Variants in C13orf46 observed in about 807,000 individuals in gnomAD.
The protein encoded by C13orf46 is uncharacterized protein C13orf46.
At chr13:113,933,503 T>A in the C13orf46 span, among the ~76,000 whole-genome samples, 2 of 152,370 alleles carry the variant, frequency 1.3e-5, no homozygotes, top group East Asian at 3.9e-4. Context: ...CATTTCTGTA[T>A]AAACCTTAGA....
the C13orf46 span, among the ~76,000 whole-genome samples, chr13:113,939,249 C>A: frequency 1.3e-5 from 2 of 152,334 alleles, no homozygotes; most frequent in South Asian, 4.1e-4. Flanking sequence ...CCCTTCCCCC[C>A]GCCCCGGTGA....
chr13:113,955,222 G>A lies in C13orf46; in HGVS notation c.*1551C>T, dbSNP rs1425598753. 1.3e-4 allele frequency: 26 copies of A among 207,214 alleles called. No homozygotes were observed. The East Asian group carries it at 1.6e-3, about 13-fold the overall frequency. The allele number at this position is 207,214 out of a possible 1,614,324, so 12.8% of individuals were successfully genotyped here. Reference sequence around the variant, plus strand: ...ATCCCGTGGAGACGAGGAGCATCCCGTGGAGACGAGGAGCATCTGGCGGAG... The same window carrying A: ...ATCCCGTGGAGACGAGGAGCATCCCATGGAGACGAGGAGCATCTGGCGGAG... On this transcript the variant is annotated 3_prime_UTR_variant, in exon 7 of 7. Coordinates refer to ENST00000636427, the MANE Select transcript of C13orf46 (RefSeq NM_001365455.2).
chr13:113,962,373 T>C (rs2052594240), intron 6 of C13orf46, among the ~76,000 whole-genome samples: 1 of 152,128 alleles, frequency 6.6e-6, no homozygotes, highest in East Asian at 1.9e-4. Context: ...GCCACTGCAC[T>C]CCAGCCTGGG....
chr13:113,947,817 C>A, the C13orf46 span, among the ~76,000 whole-genome samples: 1 of 152,244 alleles, frequency 6.6e-6, no homozygotes, highest in Non-Finnish European at 1.5e-5. Flanking sequence ...TCCCCCCAGA[C>A]ACTCACTCAG....
chr13:113,953,284 C>T (rs956683785), downstream of C13orf46, among the ~76,000 whole-genome samples: 2 of 152,226 alleles, frequency 1.3e-5, no homozygotes, highest in East Asian at 1.9e-4. Flanking sequence ...ACGGAAATCT[C>T]CCTGAGGTAG....
chr13:113,967,106 T>C (rs1182388970), intron 5 of C13orf46, among the ~76,000 whole-genome samples: 5 of 152,280 alleles, frequency 3.3e-5, no homozygotes, highest in Non-Finnish European at 5.9e-5. Context: ...GAGTCTCTGA[T>C]AGTGCTGAAG....
chr13:113,967,844 A>AC (rs1186075296), intron 4 of C13orf46, among the ~76,000 whole-genome samples: 31 of 149,822 alleles, frequency 2.1e-4, no homozygotes, highest in East Asian at 2.0e-3. Context: ...GGAGCAGGAG[A>AC]CCCCCCCCGG....
chr13:113,959,459 T>C lies in C13orf46; in HGVS notation c.573-2620A>G, dbSNP rs1357120868. On this transcript the variant is annotated intron_variant, in intron 6 of 6. Coordinates refer to ENST00000636427, the MANE Select transcript of C13orf46 (RefSeq NM_001365455.2). The stretch of plus-strand genomic sequence containing the variant: ...TGAGCAGGTGCTTCCCCTTTTAATC[T>C]GACTCCCAGTGGGAAATGAATCATA... Among the ~76,000 whole-genome samples the C allele has an allele frequency of 3.3e-5, 5 of 152,162 alleles. No homozygotes were observed. In the East Asian group the frequency reaches 9.6e-4, roughly 29 times the overall value.
chr13:113,948,079 G>A, the C13orf46 span, among the ~76,000 whole-genome samples: 614 of 152,356 alleles, frequency 4.0e-3, 9 homozygotes, highest in East Asian at 0.048. Flanking sequence ...ACTTCTCATC[G>A]TTCCCAAGAG....
chr13:113,964,465 G>C (rs2052617993), intron 6 of C13orf46, among the ~76,000 whole-genome samples: 1 of 152,180 alleles, frequency 6.6e-6, no homozygotes, highest in South Asian at 2.1e-4. Flanking sequence ...AGGGCCCGAG[G>C]CTTGTTGTGA....
At chr13:113,936,282 A>C in the C13orf46 span, among the ~76,000 whole-genome samples, 3 of 152,184 alleles carry the variant, frequency 2.0e-5, no homozygotes, top group Non-Finnish European at 4.4e-5. Flanking sequence ...ACATTCATCC[A>C]AGTTCTAAAT....
chr13:113,966,760 G>T (rs2052654670), intron 5 of C13orf46, among the ~76,000 whole-genome samples: 1 of 152,016 alleles, frequency 6.6e-6, no homozygotes, highest in Non-Finnish European at 1.5e-5. Flanking sequence ...GTGATATAAT[G>T]ATGGTGTTGA....
chr13:113,958,507 C>T lies in C13orf46; in HGVS notation c.573-1668G>A, dbSNP rs1044803811. Among the ~76,000 whole-genome samples, 1,484 of 152,318 alleles carry T rather than the reference C, an allele frequency of 9.7e-3. 29 individuals carry two copies. The highest frequency in any genetic ancestry group is 0.034 in the African/African-American group (1,397 of 41,558). ...GCCTTTTCCTGCACACGACGTCTGCCGCGGTTCGTGATTACGCCTCTGTAA... is the reference window on the plus strand; with the variant it reads ...GCCTTTTCCTGCACACGACGTCTGCTGCGGTTCGTGATTACGCCTCTGTAA... On this transcript the variant is annotated intron_variant, in intron 6 of 6. Transcript: ENST00000636427.
At chr13:113,966,222 GTGA>G (rs1417322029) in intron 5 of C13orf46, among the ~76,000 whole-genome samples, 5 of 150,200 alleles carry the variant, frequency 3.3e-5, no homozygotes, top group Non-Finnish European at 1.5e-5. Context: ...TATAATGGTG[GTGA>G]TGATGGGGAT....
chr13:113,926,655 GGATGAAA>G, the C13orf46 span: 1 of 152,218 alleles, frequency 6.6e-6, no homozygotes, highest in Non-Finnish European at 1.5e-5. Context: ...TGTTCTGGAG[GGATGAAA>G]TGTTCTGAAA....
chr13:113,961,442 TG>T (rs1363696744), intron 6 of C13orf46, among the ~76,000 whole-genome samples: 1 of 105,670 alleles, frequency 9.5e-6, no homozygotes, highest in Non-Finnish European at 2.3e-5. Flanking sequence ...GTCATGATTT[TG>T]GTTGTTTTCT....
chr13:113,966,722 G>C (rs1353092100), intron 5 of C13orf46, among the ~76,000 whole-genome samples: 5 of 151,650 alleles, frequency 3.3e-5, no homozygotes, highest in African/African-American at 1.2e-4. Context: ...TGGGGATGAT[G>C]TTGCTGGTGG....
chr13:113,938,421 G>A, the C13orf46 span, among the ~76,000 whole-genome samples: 5 of 152,214 alleles, frequency 3.3e-5, no homozygotes, highest in African/African-American at 1.2e-4. Context: ...AGCCTCCAGA[G>A]ACGGCAGCAG....
At chr13:113,929,655 C>CGCGAGTGACTGCGGGAGTGA in the C13orf46 span, among the ~76,000 whole-genome samples, 2 of 152,204 alleles carry the variant, frequency 1.3e-5, no homozygotes, top group African/African-American at 4.8e-5. Context: ...TGAGTGACTG[C>CGCGAGTGACTGCGGGAGTGA]CTGTTATCAC....
Sources: allele counts gnomAD v4.1 joint callset (sites outside exome capture counted in the v4.1 genomes callset), GRCh38; gene constraint gnomAD v4.1.1; transcripts MANE v1.5; gene names NCBI Gene and HGNC (gene_info 2026-07-23, HGNC 2026-07-21).